ELL2: variants seen among roughly 807,000 people sequenced by gnomAD.
ELL2 encodes RNA polymerase II elongation factor ELL2.
Under a neutral mutation model 72.8 loss-of-function variants are expected in ELL2, and 21 were observed. The ratio of observed to expected loss-of-function variants is 0.29; its 90% CI spans 0.20 to 0.42. The LOEUF (loss-of-function observed/expected upper bound fraction) is 0.42. ELL2 is among the 10% of genes least tolerant of loss of function. ELL2 has a pLI of 1.00. For missense variants in ELL2, 568 were observed against 772.8 expected, an observed-to-expected ratio of 0.73 and a Z score of 3.14; for synonymous variants, 266 against 283.2, an observed-to-expected ratio of 0.94 and a Z score of 0.61.
intron 2 of ELL2, among the ~76,000 whole-genome samples, chr5:95,921,929 A>G (rs1750102187): frequency 6.6e-6 from 1 of 152,170 alleles, no homozygotes; most frequent in African/African-American, 2.4e-5. Flanking sequence ...TCTCCATATG[A>G]TATTTCATCT....
intron 2 of ELL2, among the ~76,000 whole-genome samples, chr5:95,920,967 C>CA (rs1332193168): frequency 6.6e-6 from 1 of 152,156 alleles, no homozygotes; most frequent in East Asian, 1.9e-4. Flanking sequence ...CATGAATGGG[C>CA]ACAGGCATGG....
chr5:95,914,022 A>T, intron 3 of ELL2, 88 bp from the exon 4 acceptor site: 1 of 1,246,402 alleles, frequency 8.0e-7, no homozygotes, highest in Non-Finnish European at 1.1e-6. Context: ...TAAAATCAGC[A>T]GCCCAACTAA....
chr5:95,926,087 A>G (rs1443537823), intron 2 of ELL2, among the ~76,000 whole-genome samples: 1 of 152,162 alleles, frequency 6.6e-6, no homozygotes, highest in Non-Finnish European at 1.5e-5. Flanking sequence ...AACAGAAAAT[A>G]GAAACCTCAA....
intron 3 of ELL2, among the ~76,000 whole-genome samples, chr5:95,917,800 T>C (rs1026049717): frequency 1.6e-4 from 24 of 152,352 alleles, no homozygotes; most frequent in Non-Finnish European, 3.1e-4. Context: ...GTATTTATAA[T>C]GTAAGAGTAA....
At chr5:95,960,870 C>T (rs570771413) in intron 1 of ELL2, among the ~76,000 whole-genome samples, 1 of 151,546 alleles carries the variant, frequency 6.6e-6, no homozygotes, top group African/African-American at 2.4e-5. Context: ...GCAGGTGTGT[C>T]CCCTCCCCCC....
intron 4 of ELL2, among the ~76,000 whole-genome samples, chr5:95,908,987 G>T (rs1363746273): frequency 1.3e-5 from 2 of 152,112 alleles, no homozygotes; most frequent in African/African-American, 4.8e-5. Context: ...AATAAAAAGA[G>T]AAACTAACAG....
At chr5:95,900,821 A>T (rs918021936) in intron 6 of ELL2, 41 bp from the exon 7 acceptor site, 32 of 1,572,454 alleles carry the variant, frequency 2.0e-5, no homozygotes, top group Non-Finnish European at 2.7e-5. Flanking sequence ...GAGATGATTT[A>T]AAAATGTTCA....
At chr5:95,946,810 C>A (rs1751175096) in intron 1 of ELL2, among the ~76,000 whole-genome samples, 1 of 152,234 alleles carries the variant, frequency 6.6e-6, no homozygotes, top group Non-Finnish European at 1.5e-5. Flanking sequence ...TCAAGCTCAA[C>A]ATTAATTTCC....
At chr5:95,891,607 A>C (rs1474985037) in intron 9 of ELL2, among the ~76,000 whole-genome samples, 1 of 152,216 alleles carries the variant, frequency 6.6e-6, no homozygotes, top group African/African-American at 2.4e-5. Context: ...TACCACACTA[A>C]TGGTGGATGC....
intron 1 of ELL2, among the ~76,000 whole-genome samples, chr5:95,950,928 A>G (rs368155194): frequency 4.0e-5 from 5 of 126,344 alleles, no homozygotes; most frequent in African/African-American, 1.3e-4. Context: ...ATATATATAT[A>G]TATATATATA....
At chr5:95,906,962 A>C (rs1173400571) in intron 4 of ELL2, among the ~76,000 whole-genome samples, 180 bp from the exon 5 acceptor site, 2 of 152,172 alleles carry the variant, frequency 1.3e-5, no homozygotes, top group Non-Finnish European at 2.9e-5. Flanking sequence ...ATGGTCTAAA[A>C]TTTGAATTAG....
At chr5:95,955,464 A>T (rs1430211586) in intron 1 of ELL2, among the ~76,000 whole-genome samples, 1 of 152,202 alleles carries the variant, frequency 6.6e-6, no homozygotes, top group Non-Finnish European at 1.5e-5. Flanking sequence ...TTCTTCCTGA[A>T]GATTTAACAT....
chr5:95,906,699 C>T lies in ELL2; in HGVS notation c.565G>A (p.Ala189Thr). 1 of 1,614,108 alleles carries T rather than the reference C, an allele frequency of 6.2e-7. No homozygotes were observed. The highest frequency in any genetic ancestry group is 1.6e-4 in the Middle Eastern group (1 of 6,062). ...ERKRSTPMNP[A>T]NTIRKTHSSS... The stretch of plus-strand genomic sequence containing the variant: ...CTATGTGTCTTTCGAATTGTATTTG[C>T]AGGGTTCATGGGGGTTGACCTTTTC... Residue 189 changes from alanine to threonine, a missense_variant, in exon 5 of 12, where the codon GCA becomes ACA. Ala to Thr is a moderately conservative substitution (Grantham distance 58). Coordinates refer to ENST00000237853, the MANE Select transcript of ELL2 (RefSeq NM_012081.6).
rs774380987 is a variant in ELL2 at position 95,919,555 on chromosome 5, G to A, written c.196-10C>T. The A allele has an allele frequency of 2.2e-5, 34 of 1,547,652 alleles. No homozygotes were observed. The highest frequency in any genetic ancestry group is 2.9e-5 in the Non-Finnish European group (33 of 1,156,446). On this transcript the variant is annotated splice_polypyrimidine_tract_variant and intron_variant, in intron 2 of 11. Transcript: ENST00000237853. The stretch of plus-strand genomic sequence containing the variant: ...TGGGAATTTTGACAAGCTAAAATGA[G>A]GGGAAAAGAGAGAAACGCCTCAAAT...
At chr5:95,940,166 TC>T (rs1342602978) in intron 2 of ELL2, among the ~76,000 whole-genome samples, 4 of 152,200 alleles carry the variant, frequency 2.6e-5, no homozygotes, top group African/African-American at 9.7e-5. Flanking sequence ...AGCACCTTTT[TC>T]CATTAAGGAA....
chr5:95,896,427 A>G (rs888547275), intron 8 of ELL2, among the ~76,000 whole-genome samples: 1 of 152,224 alleles, frequency 6.6e-6, no homozygotes, highest in African/African-American at 2.4e-5. Flanking sequence ...TTATCATTGA[A>G]AGTAGGGTTA....
chr5:95,939,792 T>G (rs776987219), intron 2 of ELL2, among the ~76,000 whole-genome samples: 10 of 152,234 alleles, frequency 6.6e-5, no homozygotes, highest in Non-Finnish European at 1.0e-4. Flanking sequence ...TAAAGCTTAC[T>G]TCACAATAAA....
intron 1 of ELL2, among the ~76,000 whole-genome samples, chr5:95,945,983 T>A (rs1751141921): frequency 6.6e-6 from 1 of 152,220 alleles, no homozygotes; most frequent in South Asian, 2.1e-4. Context: ...TCTGAAATAA[T>A]CCTGCCCTAA....
chr5:95,914,671 T>C (rs1204677065), intron 3 of ELL2, among the ~76,000 whole-genome samples: 2 of 151,882 alleles, frequency 1.3e-5, no homozygotes, highest in Non-Finnish European at 2.9e-5. Flanking sequence ...CTGGGCAACA[T>C]GGAGAAACCC....
Sources: gnomAD v4.1 joint callset for allele counts (sites outside exome capture counted in the v4.1 genomes callset) on GRCh38, gnomAD v4.1.1 for gene constraint, MANE v1.5 for transcripts, NCBI Gene and HGNC (gene_info 2026-07-23, HGNC 2026-07-21) for gene names.